Variants in CCDC60 observed in about 807,000 individuals in gnomAD.
CCDC60 encodes the protein coiled-coil domain-containing protein 60.
A neutral mutation model predicts 63.5 loss-of-function variants in CCDC60; 54 were observed. The observed-to-expected ratio is 0.85, with a 90% confidence interval of 0.68 to 1.07. The LOEUF is 1.07. CCDC60 is among the 50% of genes least tolerant of loss of function. The probability of loss-of-function intolerance (pLI) is 0.00; values close to 1 mark genes in which losing one functional copy is unlikely to be tolerated. For missense variants in CCDC60, 651 were observed against 684.3 expected, an observed-to-expected ratio of 0.95 and a Z score of 0.54; for synonymous variants, 206 against 238.8, an observed-to-expected ratio of 0.86 and a Z score of 1.27.
At chr12:119,485,170 A>G (rs1359058823) in intron 4 of CCDC60, among the ~76,000 whole-genome samples, 2 of 152,252 alleles carry the variant, frequency 1.3e-5, no homozygotes, top group African/African-American at 2.4e-5. Context: ...TACTGCAATT[A>G]CCACCATTTT....
chr12:119,534,280 T>C (rs976787520), intron 13 of CCDC60, among the ~76,000 whole-genome samples: 1 of 152,228 alleles, frequency 6.6e-6, no homozygotes, highest in Non-Finnish European at 1.5e-5. Flanking sequence ...CTTGAGACTT[T>C]GCTGAAGTTG....
chr12:119,422,441 C>T (rs1832220267), intron 1 of CCDC60, among the ~76,000 whole-genome samples: 1 of 152,212 alleles, frequency 6.6e-6, no homozygotes. Context: ...GCACAGGAAG[C>T]ATGATGCTGG....
chr12:119,338,032 G>T (rs185082880), intron 1 of CCDC60, among the ~76,000 whole-genome samples: 70 of 152,172 alleles, frequency 4.6e-4, no homozygotes, highest in Non-Finnish European at 7.6e-4. Flanking sequence ...TCAAGCAATG[G>T]GAAGAAGGCT....
intron 13 of CCDC60, among the ~76,000 whole-genome samples, chr12:119,532,212 TC>T (rs533421793): frequency 3.5e-4 from 54 of 152,156 alleles, no homozygotes; most frequent in African/African-American, 1.3e-3. Context: ...TAGGGCAACT[TC>T]CACCTTCTAT....
intron 1 of CCDC60, among the ~76,000 whole-genome samples, chr12:119,428,467 G>T (rs1241537606): frequency 6.6e-6 from 1 of 152,076 alleles, no homozygotes; most frequent in Admixed American, 6.6e-5. Flanking sequence ...CAGAACCAGG[G>T]TCAGGGCTCA....
chr12:119,476,026 T>C (rs1466193913), intron 3 of CCDC60, among the ~76,000 whole-genome samples: 2 of 152,226 alleles, frequency 1.3e-5, no homozygotes, highest in African/African-American at 4.8e-5. Flanking sequence ...AAATACTTTT[T>C]AAACAAAGTA....
Position 119,456,060 on chromosome 12 carries a change from A to AAAGAAAGAAAGC in CCDC60, c.171-15931_171-15930insAAAGAAAGCAAG, listed in dbSNP as rs1224088473. ...GAAAGAAAGAAAGAAAGAAAGAAAG[A>AAAGAAAGAAAGC]AAGCAAGCAAGCATGTGCAATTTCA... On this transcript the variant is annotated intron_variant, in intron 2 of 13. Transcript: ENST00000327554. This position sits in a 1 kb window ranked among gnomAD's most constrained non-coding sequence, Gnocchi z 4.6. Among the ~76,000 whole-genome samples the AAAGAAAGAAAGC allele has an allele frequency of 3.1e-4, 37 of 118,862 alleles. No homozygotes were observed. Among genetic ancestry groups the AAAGAAAGAAAGC allele is most frequent in the South Asian group, 6.1e-4 (2 of 3,270 alleles). 78.0% of individuals were successfully genotyped at this position (118,862 alleles called of 152,430 possible).
chr12:119,413,909 A>G (rs1956651429), intron 1 of CCDC60, among the ~76,000 whole-genome samples: 1 of 152,120 alleles, frequency 6.6e-6, no homozygotes. Flanking sequence ...CTCACACAGG[A>G]AAAAACAATA....
chr12:119,382,679 A>T (rs1232089512), intron 1 of CCDC60, among the ~76,000 whole-genome samples: 6 of 152,190 alleles, frequency 3.9e-5, no homozygotes, highest in African/African-American at 1.4e-4. Flanking sequence ...GAGGATGGAG[A>T]TACACACTTA....
chr12:119,518,358 A>G (rs886919727), intron 8 of CCDC60, among the ~76,000 whole-genome samples: 4 of 152,106 alleles, frequency 2.6e-5, no homozygotes, highest in Non-Finnish European at 5.9e-5. Context: ...GCCTTTCTCT[A>G]AACCTCTGTT....
At position 119,490,793 on chromosome 12, in the gene CCDC60, G is replaced by A. The variant is rs547880717; in HGVS notation, c.557+1927G>A. Reference sequence around the variant, plus strand: ...GGTGTCTTGCTATGTTGCCCAGGCTGGTGTCTAGCTCATGCCCTCAAGCAA... The same window carrying A: ...GGTGTCTTGCTATGTTGCCCAGGCTAGTGTCTAGCTCATGCCCTCAAGCAA... On this transcript the variant is annotated intron_variant, in intron 5 of 13. Coordinates refer to ENST00000327554, the MANE Select transcript of CCDC60 (RefSeq NM_178499.5). Among the ~76,000 whole-genome samples, 10 of 151,952 alleles carry A rather than the reference G, an allele frequency of 6.6e-5. No individual in the cohort carries two copies. The East Asian group carries it at 1.9e-3, about 29-fold the overall frequency.
At chr12:119,472,202 G>A in intron 3 of CCDC60, 38 bp downstream of exon 3, 1 of 1,598,636 alleles carries the variant, frequency 6.3e-7, no homozygotes, top group Non-Finnish European at 8.6e-7. Flanking sequence ...GAAGGTTTTG[G>A]GAATGACCAT....
At chr12:119,376,070 G>A (rs932674449) in intron 1 of CCDC60, among the ~76,000 whole-genome samples, 8 of 152,276 alleles carry the variant, frequency 5.3e-5, no homozygotes, top group South Asian at 2.1e-4. Flanking sequence ...ACACACCCAC[G>A]CCCATCTGGA....
chr12:119,514,479 G>A lies in CCDC60; in HGVS notation c.884-2144G>A, dbSNP rs369188316. Reference sequence around the variant, plus strand: ...GCTGGGATTACAGGCATGAGCCACCGCATCTGCCCTTAGTTTTTAACAAAA... The same window carrying A: ...GCTGGGATTACAGGCATGAGCCACCACATCTGCCCTTAGTTTTTAACAAAA... On this transcript the variant is annotated intron_variant, in intron 7 of 13. Coordinates refer to ENST00000327554, the MANE Select transcript of CCDC60 (RefSeq NM_178499.5). Among the ~76,000 whole-genome samples, 21 of 151,536 alleles carry A rather than the reference G, an allele frequency of 1.4e-4. No homozygotes were observed. The East Asian group carries it at 3.1e-3, about 22-fold the overall frequency.
At chr12:119,531,722 G>T in intron 13 of CCDC60, among the ~76,000 whole-genome samples, 1 of 152,182 alleles carries the variant, frequency 6.6e-6, no homozygotes, top group South Asian at 2.1e-4. Context: ...ATAGTTCCCA[G>T]GGGATTGGAG....
intron 1 of CCDC60, among the ~76,000 whole-genome samples, chr12:119,424,129 T>C (rs558413075): frequency 1.3e-5 from 2 of 152,368 alleles, no homozygotes; most frequent in African/African-American, 4.8e-5. Context: ...ACTTCCAGCT[T>C]GTTATATTAG....
chr12:119,432,619 T>C (rs1425506120), intron 2 of CCDC60, among the ~76,000 whole-genome samples: 2 of 152,262 alleles, frequency 1.3e-5, no homozygotes, highest in East Asian at 3.9e-4. Context: ...TGGCTGTTGA[T>C]GAGATAGACG....
Position 119,456,056 on chromosome 12 carries a change from A to AAGCAAGCAAGCAAGCAAGC in CCDC60, c.171-15937_171-15936insGCAAGCAAGCAAGCAAGCA, listed in dbSNP as rs1566019597. On this transcript the variant is annotated intron_variant, in intron 2 of 13. Coordinates refer to ENST00000327554, the MANE Select transcript of CCDC60 (RefSeq NM_178499.5). The surrounding 1 kb of genome is among the most constrained non-coding windows in gnomAD (Gnocchi z 4.6). ...GAAAGAAAGAAAGAAAGAAAGAAAG[A>AAGCAAGCAAGCAAGCAAGC]AAGAAAGCAAGCAAGCATGTGCAAT... 6.2e-5 allele frequency among the ~76,000 whole-genome samples: 6 copies of AAGCAAGCAAGCAAGCAAGC among 96,876 alleles called. No individual in the cohort carries two copies. Among genetic ancestry groups the AAGCAAGCAAGCAAGCAAGC allele is most frequent in the Admixed American group, 5.7e-4 (5 of 8,758 alleles). 63.6% of individuals were successfully genotyped at this position (96,876 alleles called of 152,430 possible).
At chr12:119,385,871 C>A (rs73217255) in intron 1 of CCDC60, among the ~76,000 whole-genome samples, 1 of 152,338 alleles carries the variant, frequency 6.6e-6, no homozygotes, top group Non-Finnish European at 1.5e-5. Context: ...CCCCAGGGGA[C>A]TGCACCATCC....
Sources: gnomAD v4.1 joint callset for allele counts (sites outside exome capture counted in the v4.1 genomes callset) on GRCh38, gnomAD v4.1.1 for gene constraint, Gnocchi (gnomAD v3.1) non-coding constraint, MANE v1.5 for transcripts, NCBI Gene and HGNC (gene_info 2026-07-23, HGNC 2026-07-21) for gene names.